The following FARP1 variants were observed in gnomAD, a reference collection of about 807,000 sequenced individuals.
FARP1 encodes FERM, ARHGEF and pleckstrin domain-containing protein 1.
FARP1 carries 52 observed loss-of-function variants against 128.8 expected under a neutral mutation model. The ratio of observed to expected loss-of-function variants is 0.40; its 90% CI spans 0.32 to 0.51. The LOEUF (loss-of-function observed/expected upper bound fraction) is 0.51. Among genes scored for constraint, FARP1 ranks in the 20% least tolerant of loss-of-function variants. FARP1 has a pLI of 0.45. For synonymous variants in FARP1, 580 were observed against 551.8 expected (o/e 1.05, Z -0.72); for missense variants, 1,333 against 1,367.9 (o/e 0.97, Z 0.40).
At chr13:98,169,616 T>C (rs1877510985) in intron 1 of FARP1, among the ~76,000 whole-genome samples, 1 of 152,186 alleles carries the variant, frequency 6.6e-6, no homozygotes, top group African/African-American at 2.4e-5. Flanking sequence ...TCCTTGATAA[T>C]TTTACTACAT....
intron 16 of FARP1, among the ~76,000 whole-genome samples, chr13:98,412,676 A>G (rs578046983): frequency 6.6e-6 from 1 of 152,350 alleles, no homozygotes; most frequent in South Asian, 2.1e-4. Context: ...CAAATGAAAC[A>G]TTAATGTGAG....
chr13:98,251,574 T>G (rs1261280735), intron 2 of FARP1, among the ~76,000 whole-genome samples: 3 of 151,620 alleles, frequency 2.0e-5, no homozygotes, highest in African/African-American at 7.3e-5. Flanking sequence ...TCCCAGCTAC[T>G]TGGGAGGCTG....
At chr13:98,309,182 T>C (rs1251660124) in intron 2 of FARP1, among the ~76,000 whole-genome samples, 1 of 61,164 alleles carries the variant, frequency 1.6e-5, no homozygotes, top group African/African-American at 6.7e-5. Flanking sequence ...TTTTTTTTTT[T>C]TGGAGACGGA....
intron 2 of FARP1, among the ~76,000 whole-genome samples, chr13:98,341,941 A>G (rs1887991560): frequency 1.3e-5 from 2 of 152,226 alleles, no homozygotes. Context: ...TAAGAATACA[A>G]AGATGACCAA....
At chr13:98,286,591 C>T (rs1410566178) in intron 2 of FARP1, among the ~76,000 whole-genome samples, 2 of 152,216 alleles carry the variant, frequency 1.3e-5, no homozygotes, top group Non-Finnish European at 2.9e-5. Context: ...CCTCCCCAGC[C>T]ATGTGGAACT....
chr13:98,296,934 C>T (rs1885722423), intron 2 of FARP1, among the ~76,000 whole-genome samples: 1 of 152,164 alleles, frequency 6.6e-6, no homozygotes, highest in Admixed American at 6.5e-5. Flanking sequence ...ATCCTCCTAC[C>T]TTGGCCTCCC....
At chr13:98,359,278 C>G (rs1415658310) in intron 3 of FARP1, among the ~76,000 whole-genome samples, 1 of 152,140 alleles carries the variant, frequency 6.6e-6, no homozygotes, top group Non-Finnish European at 1.5e-5. Context: ...ATGTGTGAAG[C>G]ACTTACCCAC....
Position 98,385,798 on chromosome 13 carries a change from G to T in FARP1, c.743G>T (p.Gly248Val). Reference sequence around the variant, plus strand: ...ATCAATCTGGCCGTTGCCAACACGGGAATTCTAGTGTTTCAGGTGAGAGCC... The same window carrying T: ...ATCAATCTGGCCGTTGCCAACACGGTAATTCTAGTGTTTCAGGTGAGAGCC... ...TKINLAVANT[G>V]ILVFQGFTKI... The change falls in exon 8 of 27, where the codon GGA (glycine) becomes GTA (valine). Residue 248 changes from glycine to valine, a missense_variant. Physicochemically the swap from Gly to Val is moderately radical, Grantham distance 109. Coordinates refer to ENST00000319562, the MANE Select transcript of FARP1 (RefSeq NM_005766.4). The T allele has an allele frequency of 6.2e-7, 1 of 1,614,156 alleles. No individual in the cohort carries two copies. Among genetic ancestry groups the T allele is most frequent in the Non-Finnish European group, 8.5e-7 (1 of 1,180,036 alleles).
Position 98,159,472 on chromosome 13 carries a change from A to ATT in FARP1, c.-24+15995_-24+15996dup, listed in dbSNP as rs200328845. On this transcript the variant is annotated intron_variant, in intron 1 of 26. Transcript: ENST00000319562. ...TCATTGTGGATTTTTTTTAATTGTGATTTTTTTTTTTTTTTTGAGATGGAG... is the reference window on the plus strand; with the variant it reads ...TCATTGTGGATTTTTTTTAATTGTGATTTTTTTTTTTTTTTTTTGAGATGGAG... The ATT allele has an allele frequency of 7.7e-3, 1,042 of 135,446 alleles. 20 individuals carry two copies. The highest frequency in any genetic ancestry group is 0.012 in the Middle Eastern group (3 of 254). The allele number at this position is 135,446 out of a possible 1,614,324, so 8.4% of individuals were successfully genotyped here.
At chr13:98,312,180 G>T (rs532924889) in intron 2 of FARP1, among the ~76,000 whole-genome samples, 3 of 120,668 alleles carry the variant, frequency 2.5e-5, no homozygotes, top group South Asian at 2.8e-4. Context: ...TCGCTCTGTC[G>T]CCCAGGCTGG....
At chr13:98,378,013 T>A (rs1889667146) in intron 6 of FARP1, 95 bp downstream of exon 6, 3 of 954,240 alleles carry the variant, frequency 3.1e-6, no homozygotes, top group African/African-American at 1.6e-5. Context: ...AAAGAAAGTG[T>A]CAATGTTTTT....
intron 2 of FARP1, among the ~76,000 whole-genome samples, chr13:98,259,352 C>T (rs1010510506): frequency 6.6e-6 from 1 of 150,422 alleles, no homozygotes; most frequent in Non-Finnish European, 1.5e-5. Context: ...CACATATATA[C>T]GTGTGTGTGT....
At chr13:98,439,660 G>T (rs909527865) in intron 21 of FARP1, among the ~76,000 whole-genome samples, 1 of 152,234 alleles carries the variant, frequency 6.6e-6, no homozygotes, top group Non-Finnish European at 1.5e-5. Context: ...TGGCAGGCAG[G>T]TGTAGAGGGC....
intron 2 of FARP1, among the ~76,000 whole-genome samples, chr13:98,331,311 T>A (rs1887500863): frequency 6.6e-6 from 1 of 152,210 alleles, no homozygotes; most frequent in Non-Finnish European, 1.5e-5. Context: ...TGTCCTACTC[T>A]AGCAAGCTTT....
intron 6 of FARP1, among the ~76,000 whole-genome samples, chr13:98,380,083 A>G (rs1267802463): frequency 6.6e-6 from 1 of 152,200 alleles, no homozygotes; most frequent in East Asian, 1.9e-4. Flanking sequence ...TTACTCAAAG[A>G]TTCCTGATGC....
At chr13:98,307,971 C>T (rs1181417839) in intron 2 of FARP1, among the ~76,000 whole-genome samples, 1 of 151,676 alleles carries the variant, frequency 6.6e-6, no homozygotes, top group East Asian at 1.9e-4. Flanking sequence ...GTTCCTTAGC[C>T]CTTGAACAGG....
chr13:98,323,886 T>C (rs1353510074), intron 2 of FARP1, among the ~76,000 whole-genome samples: 1 of 152,232 alleles, frequency 6.6e-6, no homozygotes, highest in Non-Finnish European at 1.5e-5. Flanking sequence ...AACAATTTTT[T>C]TAAAGCCTAT....
intron 1 of FARP1, among the ~76,000 whole-genome samples, chr13:98,209,690 G>A (rs1880543232): frequency 6.8e-6 from 1 of 146,988 alleles, no homozygotes; most frequent in Non-Finnish European, 1.5e-5. Flanking sequence ...CCAGCTACTC[G>A]GGATGCTGAG....
At chr13:98,208,659 G>T (rs1377462323) in intron 1 of FARP1, 1 of 152,950 alleles carries the variant, frequency 6.5e-6, no homozygotes, top group Non-Finnish European at 1.5e-5. Context: ...GGTGAGGAAG[G>T]TGAGTGTGGG....
Sources: gnomAD v4.1 joint callset for allele counts (sites outside exome capture counted in the v4.1 genomes callset) on GRCh38, gnomAD v4.1.1 for gene constraint, MANE v1.5 for transcripts, NCBI Gene and HGNC (gene_info 2026-07-23, HGNC 2026-07-21) for gene names.